KLHDC4: variants seen among roughly 807,000 people sequenced by gnomAD.
KLHDC4 encodes the protein kelch domain-containing protein 4.
In KLHDC4, 90 loss-of-function variants were observed where a neutral mutation model predicts 62.4. The observed-to-expected ratio is 1.44, with a 90% CI of 1.22 to 1.72. The LOEUF (loss-of-function observed/expected upper bound fraction) is 1.72. Ranked by LOEUF, KLHDC4 falls within the 40% of genes most tolerant of loss-of-function variation. The pLI is 0.00. For synonymous variants in KLHDC4, 386 were observed against 284.4 expected (o/e 1.36, Z -3.59); for missense variants, 1,025 against 699.7 (o/e 1.47, Z -5.25).
chr16:87,720,611 G>A (rs1163627736), intron 7 of KLHDC4, among the ~76,000 whole-genome samples: 1 of 152,238 alleles, frequency 6.6e-6, no homozygotes, highest in Non-Finnish European at 1.5e-5. Context: ...CGGGGCTTGG[G>A]AGAGAGGGAC....
chr16:87,709,115 C>T (rs1217590819), intron 10 of KLHDC4, 150 bp downstream of exon 10: 14 of 1,036,120 alleles, frequency 1.4e-5, no homozygotes, highest in South Asian at 1.1e-4. Context: ...TCCTGTTCTC[C>T]GTCAATCTGA....
chr16:87,756,143 C>G (rs1230374931), intron 3 of KLHDC4: 1 of 335,786 alleles, frequency 3.0e-6, no homozygotes, highest in Non-Finnish European at 5.7e-6. Context: ...GGGGTGCGCC[C>G]GCCAAGAGTG....
chr16:87,736,970 A>G (rs1019221894), intron 5 of KLHDC4, among the ~76,000 whole-genome samples: 4 of 151,586 alleles, frequency 2.6e-5, no homozygotes, highest in Non-Finnish European at 5.9e-5. Flanking sequence ...TATTAAAAAT[A>G]TAACATTAGC....
chr16:87,730,887 C>T (rs906175273), intron 5 of KLHDC4: 8 of 382,404 alleles, frequency 2.1e-5, no homozygotes, highest in African/African-American at 1.5e-4. Context: ...CCTTGGACTG[C>T]ATAAAGATTT....
chr16:87,717,854 C>T lies in KLHDC4; in HGVS notation c.760-3281G>A, dbSNP rs998300142. ...GTACCCTGCACCTGTCTATATGAAC[C>T]GTCTTGTTTTGCTGACAGCAACATT... On this transcript the variant is annotated intron_variant, in intron 7 of 11. Transcript: ENST00000270583. 4.6e-5 allele frequency among the ~76,000 whole-genome samples: 7 copies of T among 152,172 alleles called. No individual in the cohort carries two copies. The South Asian group carries it at 6.2e-4, about 14-fold the overall frequency.
At chr16:87,703,764 T>C (rs2034317667), downstream of KLHDC4, among the ~76,000 whole-genome samples, 3 of 152,338 alleles carry the variant, frequency 2.0e-5, no homozygotes, top group Admixed American at 6.5e-5. Flanking sequence ...ACTGTGGCCC[T>C]TGGCCATGAC....
chr16:87,702,989 G>A (rs978218007), downstream of KLHDC4: 4 of 152,270 alleles, frequency 2.6e-5, no homozygotes, highest in South Asian at 2.1e-4. Flanking sequence ...ATACTGTTAC[G>A]AAAACAACAC....
intron 4 of KLHDC4, among the ~76,000 whole-genome samples, chr16:87,754,768 T>A (rs1320956274): frequency 1.3e-5 from 2 of 152,164 alleles, no homozygotes; most frequent in African/African-American, 4.8e-5. Context: ...GCTAACCACG[T>A]GCTAAGTCAG....
chr16:87,706,500 C>G (rs151102040), downstream of KLHDC4, among the ~76,000 whole-genome samples: 391 of 152,310 alleles, frequency 2.6e-3, 3 homozygotes, highest in African/African-American at 8.4e-3. Context: ...CACCTGCAGC[C>G]TCACTCCTGT....
At chr16:87,759,212 A>G in intron 2 of KLHDC4, among the ~76,000 whole-genome samples, 1 of 151,656 alleles carries the variant, frequency 6.6e-6, no homozygotes, top group Admixed American at 6.6e-5. Context: ...TAAAATGGCA[A>G]ATTTTGTTAA....
At chr16:87,698,821 C>T (rs1172930827) in exon 1 of KLHDC4, 1 of 152,282 alleles carries the variant, frequency 6.6e-6, no homozygotes, top group Non-Finnish European at 1.5e-5. Flanking sequence ...ACCTGCTTCC[C>T]TGCACACAGT....
At chr16:87,756,339 ACTTT>A (rs1233637599) in intron 3 of KLHDC4, 56 bp downstream of exon 3, 17 of 1,281,396 alleles carry the variant, frequency 1.3e-5, no homozygotes, top group Non-Finnish European at 9.1e-6. Context: ...CCTTAAGTTA[ACTTT>A]CTGTCAAATG....
intron 5 of KLHDC4, among the ~76,000 whole-genome samples, chr16:87,734,271 G>A (rs1475970680): frequency 6.6e-6 from 1 of 152,140 alleles, no homozygotes; most frequent in Middle Eastern, 3.2e-3. Flanking sequence ...TTGAACCCAG[G>A]AGGTGGGAGC....
At chr16:87,754,173 G>A (rs1475803243) in intron 4 of KLHDC4, among the ~76,000 whole-genome samples, 3 of 151,384 alleles carry the variant, frequency 2.0e-5, no homozygotes, top group African/African-American at 4.9e-5. Context: ...AATGTAGAAG[G>A]CACCTTAGCC....
intron 5 of KLHDC4, among the ~76,000 whole-genome samples, chr16:87,734,633 A>G (rs886356169): frequency 1.3e-5 from 2 of 152,170 alleles, no homozygotes; most frequent in African/African-American, 4.8e-5. Flanking sequence ...AGAAGCAATC[A>G]GTTCCTTTTT....
intron 4 of KLHDC4, among the ~76,000 whole-genome samples, chr16:87,750,606 G>C (rs77791164): frequency 0.022 from 3,401 of 152,342 alleles, 52 homozygotes; most frequent in South Asian, 0.044. Context: ...GCTGGTAAAT[G>C]AGAGTGCCAA....
At position 87,738,333 on chromosome 16, in the gene KLHDC4, G is replaced by A. The variant is rs550287699; in HGVS notation, c.507-7689C>T. Among the ~76,000 whole-genome samples, 31 of 151,562 alleles carry A rather than the reference G, an allele frequency of 2.0e-4. No homozygotes were observed. In the South Asian group the frequency reaches 6.0e-3, roughly 30 times the overall value. On this transcript the variant is annotated intron_variant, in intron 5 of 11. Coordinates refer to ENST00000270583, the MANE Select transcript of KLHDC4 (RefSeq NM_017566.4). ...TCCTCACATCAGGAGAAAACAGTGC[G>A]TATGCCTGCGCACACACGGACGTGC...
At chr16:87,727,727 G>A (rs2039625962) in intron 6 of KLHDC4, among the ~76,000 whole-genome samples, 1 of 152,208 alleles carries the variant, frequency 6.6e-6, no homozygotes, top group Non-Finnish European at 1.5e-5. Flanking sequence ...CTGCTCTCCA[G>A]CTACTCAAAA....
chr16:87,756,499 G>A (rs1198364244), intron 2 of KLHDC4, 22 bp from the exon 3 acceptor site: 10 of 1,597,222 alleles, frequency 6.3e-6, no homozygotes, highest in South Asian at 1.1e-5. Flanking sequence ...ACAAGCGGCA[G>A]GTCAGCAAGA....
Sources: allele counts gnomAD v4.1 joint callset (sites outside exome capture counted in the v4.1 genomes callset), GRCh38; gene constraint gnomAD v4.1.1; transcripts MANE v1.5; gene names NCBI Gene and HGNC (gene_info 2026-07-23, HGNC 2026-07-21).